Variants in UBN1 observed in about 807,000 individuals in gnomAD.
UBN1 encodes ubinuclein 1, also known as ubinuclein-1.
UBN1 carries 17 observed loss-of-function variants against 108.5 expected under a neutral mutation model. The ratio of observed to expected loss-of-function variants is 0.16; its 90% CI spans 0.11 to 0.24. UBN1 has a LOEUF of 0.24. Ranked by LOEUF, UBN1 falls within the 10% of genes least tolerant of loss-of-function variation. The probability of loss-of-function intolerance (pLI) is 1.00; values close to 1 mark genes in which losing one functional copy is unlikely to be tolerated. For synonymous variants in UBN1, 726 were observed against 564.2 expected (o/e 1.29, Z -4.07); for missense variants, 1,595 against 1,394.4 (o/e 1.14, Z -2.29).
At position 4,880,238 on chromosome 16, in the gene UBN1, T is replaced by TGGAG. The variant is rs1487749323; in HGVS notation, c.*108_*111dup. On this transcript the variant is annotated 3_prime_UTR_variant, in exon 18 of 18. Transcript: ENST00000262376. Reference sequence around the variant, plus strand: ...CCCTTTCTGCTGCTTGGTGTTCTTCTGGAGGAGCGTGAGTTCTCAGCGGAG... The same window carrying TGGAG: ...CCCTTTCTGCTGCTTGGTGTTCTTCTGGAGGGAGGAGCGTGAGTTCTCAGCGGAG... 6 of 1,302,808 alleles carry TGGAG rather than the reference T, an allele frequency of 4.6e-6. No individual in the cohort carries two copies. The African/African-American group carries it at 8.7e-5, about 19-fold the overall frequency. The allele number at this position is 1,302,808 out of a possible 1,614,324, so 80.7% of individuals were successfully genotyped here.
chr16:4,872,274 G>A, intron 12 of UBN1: 1 of 985,320 alleles, frequency 1.0e-6, no homozygotes, highest in Non-Finnish European at 1.2e-6. Flanking sequence ...TGGAATGGAG[G>A]GACTAGGCAA....
At position 4,876,906 on chromosome 16, in the gene UBN1, C is replaced by T; in HGVS notation, c.3060C>T (p.Ser1020=). 1.2e-6 allele frequency: 2 copies of T among 1,613,226 alleles called. No individual in the cohort carries two copies. Among genetic ancestry groups the T allele is most frequent in the Non-Finnish European group, 1.7e-6 (2 of 1,179,536 alleles). The part of the protein sequence containing the change: ...GASGTVLLAG[S]SLMASPYKSS... The stretch of plus-strand genomic sequence containing the variant: ...GTGGGACTGTGCTGCTGGCCGGCTC[C>T]TCTTTGATGGCTTCACCCTACAAAT... The change falls in exon 16 of 18, where the codon TCC becomes TCT. Residue 1020 remains serine, a synonymous_variant. Coordinates refer to ENST00000262376, the MANE Select transcript of UBN1 (RefSeq NM_001079514.3).
intron 1 of UBN1, among the ~76,000 whole-genome samples, chr16:4,849,949 C>CAAAAAAAAAAAAA (rs751842571): frequency 5.4e-4 from 39 of 72,092 alleles, no homozygotes; most frequent in African/African-American, 1.0e-3. Context: ...AACTGTCTCA[C>CAAAAAAAAAAAAA]AAAAAAAAAA....
At chr16:4,875,518 G>A (rs1036899267) in intron 15 of UBN1, 84 bp downstream of exon 15, 1 of 1,520,138 alleles carries the variant, frequency 6.6e-7, no homozygotes, top group Non-Finnish European at 8.8e-7. Flanking sequence ...CGGGTGGAGA[G>A]TGAGATCTAA....
At position 4,860,851 on chromosome 16, in the gene UBN1, G is replaced by T. The variant is rs201628298; in HGVS notation, c.859G>T (p.Asp287Tyr). The T allele has an allele frequency of 6.2e-7, 1 of 1,614,144 alleles. No homozygotes were observed. The highest frequency in any genetic ancestry group is 8.5e-7 in the Non-Finnish European group (1 of 1,180,052). The change falls in exon 7 of 18, where the codon GAC becomes TAC. Residue 287 changes from aspartate (D) to tyrosine (Y), a missense_variant. By Grantham distance (160) the Asp-to-Tyr change is radical (BLOSUM62 -3). Transcript: ENST00000262376. ...QGLRELEGAS[D>Y]PLLSLFGSTS... is the part of the protein sequence containing the mutation. ...CCTGCGGGAACTGGAGGGTGCCTCT[G>T]ACCCCTTGCTCTCACTCTTTGGCTC...
chr16:4,874,579 T>C lies in UBN1; in HGVS notation c.2169T>C (p.Pro723=), dbSNP rs755998890. 2 of 1,614,264 alleles carry C rather than the reference T, an allele frequency of 1.2e-6. No homozygotes were observed. The highest frequency in any genetic ancestry group is 1.7e-6 in the Non-Finnish European group (2 of 1,180,044). Residue 723 remains proline, a synonymous_variant, in exon 15 of 18, where the codon CCT becomes CCC. Coordinates refer to ENST00000262376, the MANE Select transcript of UBN1 (RefSeq NM_001079514.3). ...AAAGGAACTTTGCGAAGCCTAGTCC[T>C]TCTGCTCCACCACCAGCTAGCTCTC... ...EEKRNFAKPS[P]SAPPPASSLQ... is the part of the protein sequence containing the mutation.
At chr16:4,872,512 A>G (rs1567945746) in intron 12 of UBN1, among the ~76,000 whole-genome samples, 3 of 152,132 alleles carry the variant, frequency 2.0e-5, no homozygotes, top group African/African-American at 4.8e-5. Context: ...TCTGTTGCCC[A>G]GACTGGAGTG....
At chr16:4,861,901 C>A (rs1316552130) in intron 7 of UBN1, among the ~76,000 whole-genome samples, 1 of 152,172 alleles carries the variant, frequency 6.6e-6, no homozygotes, top group African/African-American at 2.4e-5. Flanking sequence ...GAGATTGCGC[C>A]AGTGCACTCT....
chr16:4,866,799 A>G (rs1315452891), intron 7 of UBN1, among the ~76,000 whole-genome samples: 2 of 152,248 alleles, frequency 1.3e-5, no homozygotes, highest in African/African-American at 2.4e-5. Flanking sequence ...GGTGTGAGCC[A>G]CCGCGCCGGG....
chr16:4,857,057 C>G (rs904721093), intron 2 of UBN1, among the ~76,000 whole-genome samples: 2 of 151,984 alleles, frequency 1.3e-5, no homozygotes, highest in Non-Finnish European at 2.9e-5. Context: ...ATTCCTGGCT[C>G]CTGGCTGGGT....
chr16:4,861,465 G>A (rs1245186842), intron 7 of UBN1, among the ~76,000 whole-genome samples: 3 of 152,230 alleles, frequency 2.0e-5, no homozygotes, highest in Non-Finnish European at 4.4e-5. Flanking sequence ...TTCTTACGAA[G>A]GTTTTGCAAA....
At position 4,880,219 on chromosome 16, in the gene UBN1, C is replaced by G. The variant is rs2088038208; in HGVS notation, c.*87C>G. 1 of 1,441,812 alleles carries G rather than the reference C, an allele frequency of 6.9e-7. No homozygotes were observed. The highest frequency in any genetic ancestry group is 9.8e-7 in the Non-Finnish European group (1 of 1,024,612). The allele number at this position is 1,441,812 out of a possible 1,614,324, so 89.3% of individuals were successfully genotyped here. A position where few individuals can be genotyped will look rare whatever the true frequency, so the allele number is the denominator to read the frequency against. On this transcript the variant is annotated 3_prime_UTR_variant, in exon 18 of 18. Transcript: ENST00000262376. The stretch of plus-strand genomic sequence containing the variant: ...AGGATGTACACTCACTGCGCCCTTT[C>G]TGCTGCTTGGTGTTCTTCTGGAGGA...
In UBN1 at chr16:4,874,802, C is replaced by A. The variant is rs148045347; in HGVS notation, c.2392C>A (p.Pro798Thr). The A allele has an allele frequency of 1.2e-6, 2 of 1,614,014 alleles. No individual in the cohort carries two copies. Among genetic ancestry groups the A allele is most frequent in the African/African-American group, 2.7e-5 (2 of 74,948 alleles). The change falls in exon 15 of 18, where the codon CCT becomes ACT. Residue 798 changes from proline (P) to threonine (T), a missense_variant. Coordinates refer to ENST00000262376, the MANE Select transcript of UBN1 (RefSeq NM_001079514.3). The stretch of plus-strand genomic sequence containing the variant: ...GTCTCACGGGCCCCAAGTGGCAGTT[C>A]CTGTGCCTGGCCCCCAGGTCAAAGT... Reference protein sequence around the residue: ...RTSHGPQVAVPVPGPQVKVFH... With the variant: ...RTSHGPQVAVTVPGPQVKVFH...
chr16:4,867,365 G>T (rs558547185), intron 7 of UBN1, among the ~76,000 whole-genome samples: 1 of 151,994 alleles, frequency 6.6e-6, no homozygotes, highest in Non-Finnish European at 1.5e-5. Flanking sequence ...ACCAAATGTG[G>T]GTTGATTTGA....
rs77260454 is a variant in UBN1, at chr16:4,870,258, G to T, written c.1228G>T (p.Val410Leu). 1.2e-6 allele frequency: 2 copies of T among 1,614,244 alleles called. No individual in the cohort carries two copies. Among genetic ancestry groups the T allele is most frequent in the Non-Finnish European group, 1.7e-6 (2 of 1,180,044 alleles). The part of the protein sequence containing the change: ...RELSSQVRSG[V>L]YAYLASFLPC... ...GCTGAGCAGTCAGGTCCGCTCTGGG[G>T]TGTATGCCTATCTTGCGTCATTCCT... The change falls in exon 9 of 18, where the codon GTG becomes TTG. Residue 410 changes from valine to leucine, a missense_variant. Val to Leu is a conservative substitution (Grantham distance 32). Transcript: ENST00000262376.
In UBN1 at chr16:4,874,359, C is replaced by G. The variant is rs1475686026; in HGVS notation, c.1949C>G (p.Ala650Gly). 5 of 1,614,120 alleles carry G rather than the reference C, an allele frequency of 3.1e-6. No individual in the cohort carries two copies. In the East Asian group the frequency reaches 1.1e-4, roughly 36 times the overall value. Residue 650 changes from alanine to glycine, a missense_variant, in exon 15 of 18, where the codon GCT becomes GGT. By Grantham distance (60) the Ala-to-Gly change is moderately conservative. Transcript: ENST00000262376. ...CCATCCCAGGCATCGGGCGGCCTTG[C>G]TAACCCTCCTCCTGTCAACCTGGAG... Reference protein sequence around the residue: ...ELPSQASGGLANPPPVNLEDS... With the variant: ...ELPSQASGGLGNPPPVNLEDS...
In UBN1 at chr16:4,874,433, G is replaced by T. The variant is rs1475906033; in HGVS notation, c.2023G>T (p.Ala675Ser). The T allele has an allele frequency of 6.2e-7, 1 of 1,614,144 alleles. No individual in the cohort carries two copies. Among genetic ancestry groups the T allele is most frequent in the Non-Finnish European group, 8.5e-7 (1 of 1,180,012 alleles). The change falls in exon 15 of 18, where the codon GCC (alanine) becomes TCC (serine). Residue 675 changes from alanine to serine, a missense_variant. Physicochemically the swap from Ala to Ser is moderately conservative, Grantham distance 99 (BLOSUM62 1). Coordinates refer to ENST00000262376, the MANE Select transcript of UBN1 (RefSeq NM_001079514.3). ...CCGCAATCCAGCCTCCTCGGTGGAA[G>T]CCGTGTCCAAGGAATTGGCTGCATT... The part of the protein sequence containing the change: ...LIRNPASSVE[A>S]VSKELAALNS...
chr16:4,849,951 A>C (rs545789734), intron 1 of UBN1, among the ~76,000 whole-genome samples: 37 of 147,076 alleles, frequency 2.5e-4, no homozygotes, highest in Middle Eastern at 3.5e-3. Flanking sequence ...CTGTCTCACA[A>C]AAAAAAAAAA....
intron 7 of UBN1, 61 bp from the exon 8 acceptor site, chr16:4,868,772 T>G: frequency 6.4e-7 from 1 of 1,550,948 alleles, no homozygotes; most frequent in Non-Finnish European, 8.9e-7. Context: ...TGCCTGTGGG[T>G]GAGCGTAAGG....
Sources: allele counts gnomAD v4.1 joint callset (sites outside exome capture counted in the v4.1 genomes callset), GRCh38; gene constraint gnomAD v4.1.1; transcripts MANE v1.5; gene names NCBI Gene and HGNC (gene_info 2026-07-23, HGNC 2026-07-21).